Variants in NCKAP5 observed in about 807,000 individuals in gnomAD.
NCKAP5 encodes nck-associated protein 5.
NCKAP5 carries 92 observed loss-of-function variants against 167.0 expected under a neutral mutation model. The observed-to-expected ratio is 0.55, with a 90% CI of 0.47 to 0.66. NCKAP5 has a LOEUF of 0.66. NCKAP5 is among the 30% of genes least tolerant of loss of function. The pLI is 0.00. For synonymous variants in NCKAP5, 891 were observed against 877.4 expected, an observed-to-expected ratio of 1.02 and a Z score of -0.27; for missense variants, 2,378 against 2,315.0, an observed-to-expected ratio of 1.03 and a Z score of -0.56.
At chr2:132,938,358 G>A (rs146130899) in intron 8 of NCKAP5, among the ~76,000 whole-genome samples, 22 of 152,324 alleles carry the variant, frequency 1.4e-4, no homozygotes, top group Non-Finnish European at 2.9e-4. Context: ...GAAATACCAT[G>A]TGTATACACA....
At position 132,731,775 on chromosome 2, in the gene NCKAP5, C is replaced by T. The variant is rs1490655584; in HGVS notation, c.5405G>A (p.Arg1802Lys). 3.1e-6 allele frequency: 5 copies of T among 1,612,114 alleles called. No individual in the cohort carries two copies. In the Admixed American group the frequency reaches 5.0e-5, roughly 16 times the overall value. Residue 1802 changes from arginine to lysine, a missense_variant, in exon 17 of 20, where the codon AGG becomes AAG. By Grantham distance (26) the Arg-to-Lys change is conservative. This residue lies in a region of NCKAP5 where 1,325 missense variants were observed against 1,274.5 expected (regional missense o/e 1.04). Transcript: ENST00000409261. ...SDPIMTARGM[R>K]PLQSRLPKPA... ...TTTGGGGAGGCGGCTCTGAAGAGGC[C>T]TCATCCCTCTGGCGGTCATGATGGG...
At chr2:132,701,523 A>ACTGCTGCTGCTG (rs142983300) in intron 19 of NCKAP5, among the ~76,000 whole-genome samples, 100 of 151,670 alleles carry the variant, frequency 6.6e-4, no homozygotes, top group African/African-American at 2.4e-3. Context: ...TACATCAGAT[A>ACTGCTGCTGCTG]CTGCTGCTGC....
At chr2:133,332,686 C>T (rs1374323001) in intron 3 of NCKAP5, among the ~76,000 whole-genome samples, 3 of 152,088 alleles carry the variant, frequency 2.0e-5, no homozygotes, top group African/African-American at 4.8e-5. Flanking sequence ...AATTTATATT[C>T]ACCCTTACAC....
rs538701405 is a variant in NCKAP5, at chr2:133,259,792, C to A, written c.143+43245G>T. Among the ~76,000 whole-genome samples the A allele has an allele frequency of 1.8e-3, 267 of 152,306 alleles. 1 individual carries two copies. Among genetic ancestry groups the A allele is most frequent in the Middle Eastern group, 3.4e-3 (1 of 294 alleles). ...AAAAGAGGGACAGGTCTTTTGGGGT[C>A]TGTTAAGTGCCAAATCAGATAATTT... On this transcript the variant is annotated intron_variant, in intron 4 of 19. Transcript: ENST00000409261.
At chr2:132,944,630 G>A (rs1697558968) in intron 8 of NCKAP5, among the ~76,000 whole-genome samples, 1 of 152,224 alleles carries the variant, frequency 6.6e-6, no homozygotes, top group Non-Finnish European at 1.5e-5. Flanking sequence ...ACTTTGGGAA[G>A]TAGGGAGTTT....
intron 3 of NCKAP5, among the ~76,000 whole-genome samples, chr2:133,449,483 T>G (rs1691412117): frequency 6.6e-6 from 1 of 152,200 alleles, no homozygotes. Context: ...ACACACGTTC[T>G]CCCTAAAATG....
intron 16 of NCKAP5, among the ~76,000 whole-genome samples, chr2:132,766,045 G>A (rs535080565): frequency 6.6e-6 from 1 of 152,078 alleles, no homozygotes; most frequent in Non-Finnish European, 1.5e-5. Context: ...ACTTTGGGAG[G>A]CCAAAGTGGG....
Position 133,241,161 on chromosome 2 carries a change from G to A in NCKAP5, c.144-27382C>T, listed in dbSNP as rs564686821. Among the ~76,000 whole-genome samples the A allele has an allele frequency of 2.6e-5, 4 of 152,242 alleles. No individual in the cohort carries two copies. The East Asian group carries it at 7.7e-4, about 29-fold the overall frequency. On this transcript the variant is annotated intron_variant, in intron 4 of 19. Transcript: ENST00000409261. Reference sequence around the variant, plus strand: ...TGTGCTTTGAATGAAACATTCCCACGCTGTGCTTATAAACAACTATTGATA... The same window carrying A: ...TGTGCTTTGAATGAAACATTCCCACACTGTGCTTATAAACAACTATTGATA...
chr2:132,920,611 G>C (rs1290056955), intron 8 of NCKAP5, among the ~76,000 whole-genome samples: 1 of 143,828 alleles, frequency 7.0e-6, no homozygotes, highest in African/African-American at 2.6e-5. Flanking sequence ...TGGTTCAAGG[G>C]ACCTGAATGT....
At chr2:132,891,122 G>A (rs1692666558) in intron 8 of NCKAP5, among the ~76,000 whole-genome samples, 1 of 152,176 alleles carries the variant, frequency 6.6e-6, no homozygotes, top group Admixed American at 6.5e-5. Flanking sequence ...GAGTTGAATA[G>A]AAAACACTTC....
chr2:133,541,622 C>T (rs1239249465), intron 2 of NCKAP5, among the ~76,000 whole-genome samples: 4 of 151,750 alleles, frequency 2.6e-5, no homozygotes, highest in African/African-American at 9.7e-5. Flanking sequence ...TCCTTTAGGA[C>T]TTGGCTGAGT....
chr2:133,304,874 T>C lies in NCKAP5; in HGVS notation c.70-1764A>G, dbSNP rs534310379. The stretch of plus-strand genomic sequence containing the variant: ...GATTCGTTTCATGTTGGTTACGTGC[T>C]ATGAAGTAAACAGGTGATAGGAAAG... On this transcript the variant is annotated intron_variant, in intron 3 of 19. Transcript: ENST00000409261. 4.5e-4 allele frequency among the ~76,000 whole-genome samples: 68 copies of C among 152,312 alleles called. 1 individual carries two copies. Among genetic ancestry groups the C allele is most frequent in the African/African-American group, 1.5e-3 (64 of 41,578 alleles).
chr2:133,562,595 A>G (rs993430230), intron 1 of NCKAP5, among the ~76,000 whole-genome samples: 2 of 152,194 alleles, frequency 1.3e-5, no homozygotes, highest in African/African-American at 4.8e-5. Context: ...CGTAATATTT[A>G]TCTGCCATGT....
chr2:133,265,187 C>A (rs1397537640), intron 4 of NCKAP5: 4 of 152,074 alleles, frequency 2.6e-5, no homozygotes, highest in African/African-American at 9.7e-5. Flanking sequence ...AACGAGTGAA[C>A]AAGTTAGTGG....
chr2:132,733,852 A>G (rs4953987), intron 16 of NCKAP5, among the ~76,000 whole-genome samples: 113,218 of 152,150 alleles, frequency 0.74, 43,019 homozygotes, highest in African/African-American at 0.9. Context: ...CTAGGCTCAA[A>G]GAGGTTTGGT....
At chr2:133,112,117 C>T (rs1167886900) in intron 6 of NCKAP5, among the ~76,000 whole-genome samples, 1 of 152,160 alleles carries the variant, frequency 6.6e-6, no homozygotes, top group Non-Finnish European at 1.5e-5. Context: ...GAAAAATACA[C>T]ATCAGAAGTT....
chr2:133,569,329 C>A (rs1421167307), upstream of NCKAP5, among the ~76,000 whole-genome samples: 1 of 152,194 alleles, frequency 6.6e-6, no homozygotes, highest in Non-Finnish European at 1.5e-5. Flanking sequence ...AACACCTAGT[C>A]TCTGCCACGA....
At chr2:133,064,986 A>C (rs189115939) in intron 6 of NCKAP5, among the ~76,000 whole-genome samples, 1 of 152,338 alleles carries the variant, frequency 6.6e-6, no homozygotes, top group Admixed American at 6.5e-5. Flanking sequence ...AAGCATTGGA[A>C]GTAATACTTT....
At chr2:132,884,794 G>A (rs1237474796) in intron 8 of NCKAP5, among the ~76,000 whole-genome samples, 2 of 152,130 alleles carry the variant, frequency 1.3e-5, no homozygotes, top group Non-Finnish European at 2.9e-5. Context: ...GAAAAAACAT[G>A]TATGGAAATA....
Sources: allele counts gnomAD v4.1 joint callset (sites outside exome capture counted in the v4.1 genomes callset), GRCh38; gene constraint gnomAD v4.1.1; regional missense constraint gnomAD v4.1.1; transcripts MANE v1.5; gene names NCBI Gene and HGNC (gene_info 2026-07-23, HGNC 2026-07-21).